Variants in C18orf54 observed in about 807,000 individuals in gnomAD.
C18orf54 encodes the protein chromosome 18 open reading frame 54.
A neutral mutation model predicts 49.3 loss-of-function variants in C18orf54; 49 were observed. The observed-to-expected ratio is 0.99, with a 90% CI of 0.79 to 1.26. The LOEUF (loss-of-function observed/expected upper bound fraction) is 1.26, where lower values mean the gene tolerates loss of function less well. Ranked by LOEUF, C18orf54 falls within the 50% of genes most tolerant of loss-of-function variation. C18orf54 has a pLI of 0.00. For synonymous variants in C18orf54, 211 were observed against 216.6 expected (o/e 0.97, Z 0.23); for missense variants, 687 against 620.6 (o/e 1.11, Z -1.14).
Position 54,362,355 on chromosome 18 carries a change from CA to C in C18orf54, c.999del (p.Lys333AsnfsTer34), listed in dbSNP as rs912222960. The C allele has an allele frequency of 2.6e-6, 4 of 1,535,628 alleles. No homozygotes were observed. In the African/African-American group the frequency reaches 5.5e-5, roughly 21 times the overall value. On this transcript the variant is annotated frameshift_variant, in exon 4 of 9. Transcript: ENST00000620105. LOFTEE classifies it high-confidence loss of function. ...ATGATAAAGAATTAGTTAATGAATACAAATGTGATTTTGAACATAGCCAGTG... is the reference window on the plus strand; with the variant it reads ...ATGATAAAGAATTAGTTAATGAATACAATGTGATTTTGAACATAGCCAGTG... The part of the protein sequence containing the change: ...SDDKELVNEY[K>X]CDFEHSQCQC...
chr18:54,364,461 A>T (rs2089339313), intron 5 of C18orf54, among the ~76,000 whole-genome samples: 1 of 152,142 alleles, frequency 6.6e-6, no homozygotes, highest in South Asian at 2.1e-4. Context: ...TATATTGTGA[A>T]GGGAATGTTT....
intron 2 of C18orf54, among the ~76,000 whole-genome samples, chr18:54,359,657 A>G (rs1276220499): frequency 6.6e-6 from 1 of 152,240 alleles, no homozygotes; most frequent in African/African-American, 2.4e-5. Context: ...TTTTTAGTAT[A>G]GGAAATCCAT....
intron 6 of C18orf54, among the ~76,000 whole-genome samples, chr18:54,371,788 T>G (rs1414136631): frequency 6.6e-6 from 1 of 152,120 alleles, no homozygotes; most frequent in East Asian, 1.9e-4. Flanking sequence ...ACAGTCCTAT[T>G]TGTTACTTGG....
intron 2 of C18orf54, among the ~76,000 whole-genome samples, chr18:54,359,367 A>C (rs1294921952): frequency 2.0e-5 from 3 of 152,244 alleles, no homozygotes; most frequent in South Asian, 2.1e-4. Flanking sequence ...TACAGAATTC[A>C]GATAAATCAA....
Position 54,361,856 on chromosome 18 carries a change from A to G in C18orf54, c.497A>G (p.Lys166Arg). Residue 166 changes from lysine to arginine, a missense_variant, in exon 4 of 9, where the codon AAG becomes AGG. By Grantham distance (26) the Lys-to-Arg change is conservative. Coordinates refer to ENST00000620105, the MANE Select transcript of C18orf54 (RefSeq NM_001288980.2). ...AGACTGGGTTCATTGGACATTGAGA[A>G]GAATCCACATTTTCAAGGACCCTAC... is the stretch of plus-strand genomic sequence containing the variant. The part of the protein sequence containing the change: ...RGRLGSLDIE[K>R]NPHFQGPYTS... 2.5e-6 allele frequency: 4 copies of G among 1,614,116 alleles called. No homozygotes were observed. Among genetic ancestry groups the G allele is most frequent in the Non-Finnish European group, 3.4e-6 (4 of 1,179,982 alleles).
In C18orf54 at chr18:54,380,553, G is replaced by A. The variant is rs2089650382; in HGVS notation, c.*2307G>A. 1 of 152,054 alleles carries A rather than the reference G, an allele frequency of 6.6e-6. No individual in the cohort carries two copies. Among genetic ancestry groups the A allele is most frequent in the Non-Finnish European group, 1.5e-5 (1 of 67,942 alleles). The allele number at this position is 152,054 out of a possible 1,614,324, so 9.4% of individuals were successfully genotyped here. A position where few individuals can be genotyped will look rare whatever the true frequency, so the allele number is the denominator to read the frequency against. On this transcript the variant is annotated 3_prime_UTR_variant, in exon 9 of 9. Coordinates refer to ENST00000620105, the MANE Select transcript of C18orf54 (RefSeq NM_001288980.2). ...TTTACTATCAAGAACTCTACTTTCA[G>A]TTGTTTCTCAGACAGTTAATTTCAG...
At position 54,362,116 on chromosome 18, in the gene C18orf54, A is replaced by T; in HGVS notation, c.757A>T (p.Ile253Leu). Residue 253 changes from isoleucine (I) to leucine (L), a missense_variant, in exon 4 of 9, where the codon ATA (isoleucine) becomes TTA (leucine). Physicochemically the swap from Ile to Leu is conservative, Grantham distance 5. Coordinates refer to ENST00000620105, the MANE Select transcript of C18orf54 (RefSeq NM_001288980.2). The stretch of plus-strand genomic sequence containing the variant: ...GAAATCTGACCTTAATGTTTCAGGG[A>T]TAACTAGTATACCTGATTTCAAATA... ...SQKSDLNVSG[I>L]TSIPDFKYPV... 1 of 1,537,150 alleles carries T rather than the reference A, an allele frequency of 6.5e-7. No homozygotes were observed. Among genetic ancestry groups the T allele is most frequent in the African/African-American group, 1.4e-5 (1 of 73,164 alleles).
intron 6 of C18orf54, among the ~76,000 whole-genome samples, chr18:54,369,052 C>G (rs1196480898): frequency 5.3e-5 from 8 of 152,086 alleles, no homozygotes; most frequent in Admixed American, 5.2e-4. Flanking sequence ...CACTTAGAAA[C>G]TAGGATCTAG....
At chr18:54,364,042 A>G (rs1463032056) in intron 5 of C18orf54, 1 of 152,116 alleles carries the variant, frequency 6.6e-6, no homozygotes, top group Non-Finnish European at 1.5e-5. Context: ...GAGCTCTCTT[A>G]GAAATTTTAG....
In C18orf54 at chr18:54,358,006, G is replaced by C. The variant is rs944905970; in HGVS notation, c.-213G>C. On this transcript the variant is annotated 5_prime_UTR_variant, in exon 1 of 9. Transcript: ENST00000620105. ...CGAGCCTGAGGCGGGGCGGTGTCCGGGTTGGGGATGCTTTGTGGTGTCTCG... is the reference window on the plus strand; with the variant it reads ...CGAGCCTGAGGCGGGGCGGTGTCCGCGTTGGGGATGCTTTGTGGTGTCTCG... The C allele has an allele frequency of 6.5e-6, 1 of 152,830 alleles. No homozygotes were observed. The highest frequency in any genetic ancestry group is 1.5e-5 in the Non-Finnish European group (1 of 68,434). The allele number at this position is 152,830 out of a possible 1,614,324, so 9.5% of individuals were successfully genotyped here.
chr18:54,373,331 T>A lies in C18orf54; in HGVS notation c.1458+734T>A, dbSNP rs189946460. Among the ~76,000 whole-genome samples the A allele has an allele frequency of 1.6e-3, 243 of 151,944 alleles. 1 individual carries two copies. Among genetic ancestry groups the A allele is most frequent in the African/African-American group, 5.7e-3 (236 of 41,540 alleles). ...TGACAATATATATATATTTTGGGTG[T>A]ACAACATGATGTTTTGAAACATCAT... On this transcript the variant is annotated intron_variant, in intron 7 of 8. Coordinates refer to ENST00000620105, the MANE Select transcript of C18orf54 (RefSeq NM_001288980.2).
At position 54,378,158 on chromosome 18, in the gene C18orf54, A is replaced by G; in HGVS notation, c.1530-16A>G. ...TAATAACTGGTTTATAATGTGTTTT[A>G]TACTTTTTAATGAAGGGCTTTGCAC... On this transcript the variant is annotated splice_polypyrimidine_tract_variant and intron_variant, in intron 8 of 8. Coordinates refer to ENST00000620105, the MANE Select transcript of C18orf54 (RefSeq NM_001288980.2). The G allele has an allele frequency of 5.0e-6, 8 of 1,607,658 alleles. No individual in the cohort carries two copies. The highest frequency in any genetic ancestry group is 6.8e-6 in the Non-Finnish European group (8 of 1,175,644).
At chr18:54,363,133 T>C (rs1184530291) in intron 5 of C18orf54, among the ~76,000 whole-genome samples, 1 of 152,212 alleles carries the variant, frequency 6.6e-6, no homozygotes, top group Non-Finnish European at 1.5e-5. Flanking sequence ...ACATCTGTCT[T>C]TGTTACGTAC....
intron 8 of C18orf54, among the ~76,000 whole-genome samples, chr18:54,377,280 TATC>T (rs1320442475): frequency 1.3e-5 from 2 of 152,108 alleles, no homozygotes; most frequent in Non-Finnish European, 2.9e-5. Context: ...CAGGTGGTCA[TATC>T]ATCAGGTGAT....
intron 7 of C18orf54, among the ~76,000 whole-genome samples, chr18:54,373,577 A>C (rs912519216): frequency 2.0e-5 from 3 of 151,796 alleles, no homozygotes; most frequent in African/African-American, 7.2e-5. Flanking sequence ...TCTACATATA[A>C]GTGAGATTAT....
In C18orf54 at chr18:54,362,142, C is replaced by A. The variant is rs1360178078; in HGVS notation, c.783C>A (p.Tyr261Ter). 1.3e-6 allele frequency: 2 copies of A among 1,536,294 alleles called. No individual in the cohort carries two copies. The highest frequency in any genetic ancestry group is 3.9e-5 in the Admixed American group (2 of 51,000). The change falls in exon 4 of 9, where the codon TAC becomes TAA. Residue 261 changes from tyrosine to a stop codon, truncating the protein, a stop_gained. Transcript: ENST00000620105. LOFTEE classifies it high-confidence loss of function. The stretch of plus-strand genomic sequence containing the variant: ...TAACTAGTATACCTGATTTCAAATA[C>A]CCAGTCTGGCTGCACAATCAAGACT... ...SGITSIPDFK[Y>*]PVWLHNQDLL...
At position 54,360,644 on chromosome 18, in the gene C18orf54, C is replaced by T. The variant is rs770399456; in HGVS notation, c.72C>T (p.Cys24=). 1.9e-6 allele frequency: 3 copies of T among 1,613,954 alleles called. No individual in the cohort carries two copies. Among genetic ancestry groups the T allele is most frequent in the Non-Finnish European group, 2.5e-6 (3 of 1,179,930 alleles). The change falls in exon 3 of 9, where the codon TGC becomes TGT. Residue 24 remains cysteine, a synonymous_variant. Transcript: ENST00000620105. ...ESSVSALLAS[C]TLSGSNSSNS... is the part of the protein sequence containing the mutation. ...CAGTATCTGCCCTGCTGGCAAGCTG[C>T]ACCCTGAGTGGTAGTAATTCCTCTA...
At chr18:54,370,781 A>G (rs1280455849) in intron 6 of C18orf54, among the ~76,000 whole-genome samples, 3 of 152,158 alleles carry the variant, frequency 2.0e-5, no homozygotes, top group African/African-American at 7.2e-5. Flanking sequence ...CTTAGCTCAG[A>G]CATAAATTCC....
intron 7 of C18orf54, 151 bp from the exon 8 acceptor site, chr18:54,374,063 G>A (rs768424004): frequency 5.3e-5 from 39 of 732,552 alleles, no homozygotes; most frequent in Non-Finnish European, 6.7e-5. Flanking sequence ...TACAGTAAAT[G>A]GAAAATAAAA....
Sources: allele counts gnomAD v4.1 joint callset (sites outside exome capture counted in the v4.1 genomes callset), GRCh38; gene constraint gnomAD v4.1.1; transcripts MANE v1.5; gene names NCBI Gene and HGNC (gene_info 2026-07-23, HGNC 2026-07-21).